INPP4B: variants seen among roughly 807,000 people sequenced by gnomAD.
INPP4B encodes the protein inositol polyphosphate 4-phosphatase type II.
INPP4B carries 55 observed loss-of-function variants against 122.5 expected under a neutral mutation model. That is an observed-to-expected ratio of 0.45 (90% CI 0.36 to 0.56). INPP4B has a LOEUF of 0.56. INPP4B is among the 20% of genes least tolerant of loss of function. The pLI is 0.00. For synonymous variants in INPP4B, 403 were observed against 388.7 expected, an observed-to-expected ratio of 1.04 and a Z score of -0.43; for missense variants, 1,000 against 1,097.7, an observed-to-expected ratio of 0.91 and a Z score of 1.26.
chr4:142,163,732 G>A (rs76422943), intron 16 of INPP4B, among the ~76,000 whole-genome samples: 20 of 151,880 alleles, frequency 1.3e-4, no homozygotes, highest in East Asian at 7.8e-4. Context: ...TCCCCTGGGC[G>A]TCTTGGAACA....
intron 2 of INPP4B, among the ~76,000 whole-genome samples, chr4:142,713,017 A>T (rs1387103208): frequency 6.6e-6 from 1 of 152,244 alleles, no homozygotes; most frequent in African/African-American, 2.4e-5. Flanking sequence ...AATGGGAATT[A>T]TGGGACAGAT....
At chr4:142,515,139 G>T in intron 2 of INPP4B, among the ~76,000 whole-genome samples, 1 of 152,114 alleles carries the variant, frequency 6.6e-6, no homozygotes, top group East Asian at 1.9e-4. Flanking sequence ...GATCTTAGTA[G>T]TAGCAAAAAC....
At chr4:142,407,962 T>G (rs967783721) in intron 5 of INPP4B, among the ~76,000 whole-genome samples, 1 of 152,236 alleles carries the variant, frequency 6.6e-6, no homozygotes, top group Non-Finnish European at 1.5e-5. Context: ...TCTGGTGTTT[T>G]ATTATTGTGT....
At chr4:142,563,248 T>TGTCGTACTTAGAGTCCACA (rs1359977602) in intron 2 of INPP4B, among the ~76,000 whole-genome samples, 1 of 152,240 alleles carries the variant, frequency 6.6e-6, no homozygotes, top group Non-Finnish European at 1.5e-5. Context: ...ACATGTCCAC[T>TGTCGTACTTAGAGTCCACA]GTCGTACTTA....
chr4:142,816,224 A>G (rs1390634766), intron 1 of INPP4B, among the ~76,000 whole-genome samples: 1 of 152,158 alleles, frequency 6.6e-6, no homozygotes, highest in Non-Finnish European at 1.5e-5. Context: ...CTTCATTTTT[A>G]GGGTTGTAAG....
At chr4:142,378,984 G>A (rs953881459) in intron 7 of INPP4B, among the ~76,000 whole-genome samples, 1 of 152,082 alleles carries the variant, frequency 6.6e-6, no homozygotes, top group Non-Finnish European at 1.5e-5. Context: ...TAGGGGGTGC[G>A]GGTTGTGGTG....
chr4:142,845,386 C>T (rs943601778), intron 1 of INPP4B, among the ~76,000 whole-genome samples: 17 of 152,194 alleles, frequency 1.1e-4, no homozygotes, highest in Admixed American at 2.6e-4. Context: ...CAGACATTCC[C>T]CGGCCCTGGG....
At chr4:142,505,419 G>C (rs756867551) in intron 2 of INPP4B, among the ~76,000 whole-genome samples, 9 of 152,012 alleles carry the variant, frequency 5.9e-5, no homozygotes, top group Non-Finnish European at 1.3e-4. Flanking sequence ...AAGGGAGTGG[G>C]CCCACGGGCT....
chr4:142,031,933 C>A (rs184110469), intron 25 of INPP4B, among the ~76,000 whole-genome samples: 63 of 151,834 alleles, frequency 4.1e-4, no homozygotes, highest in African/African-American at 1.5e-3. Flanking sequence ...TTGAGTTGGA[C>A]GAGCAGGAAT....
intron 25 of INPP4B, among the ~76,000 whole-genome samples, chr4:142,052,600 A>G (rs1755266106): frequency 6.6e-6 from 1 of 152,042 alleles, no homozygotes; most frequent in African/African-American, 2.4e-5. Flanking sequence ...AACAAGGGTA[A>G]GAACTTTGTT....
At chr4:142,500,334 T>G (rs1375792594) in intron 2 of INPP4B, among the ~76,000 whole-genome samples, 1 of 152,172 alleles carries the variant, frequency 6.6e-6, no homozygotes, top group Non-Finnish European at 1.5e-5. Flanking sequence ...GCCAGGACAT[T>G]ACAAGAGGCT....
chr4:142,247,172 G>A (rs993549671), intron 11 of INPP4B, among the ~76,000 whole-genome samples: 5 of 152,136 alleles, frequency 3.3e-5, no homozygotes, highest in African/African-American at 1.2e-4. Context: ...TAAGCTTTTT[G>A]ATATGCTGCT....
At chr4:142,422,049 C>T (rs186898607) in intron 5 of INPP4B, among the ~76,000 whole-genome samples, 20 of 152,110 alleles carry the variant, frequency 1.3e-4, no homozygotes, top group Admixed American at 5.9e-4. Context: ...ATCTTTAGAA[C>T]GTAGACCGTT....
At chr4:142,409,209 G>T (rs915967938) in intron 5 of INPP4B, among the ~76,000 whole-genome samples, 1 of 152,010 alleles carries the variant, frequency 6.6e-6, no homozygotes, top group Non-Finnish European at 1.5e-5. Flanking sequence ...ATAAATGGAG[G>T]GGGCCACATG....
intron 12 of INPP4B, among the ~76,000 whole-genome samples, chr4:142,232,215 T>A (rs1403829956): frequency 6.6e-6 from 1 of 152,224 alleles, no homozygotes; most frequent in African/African-American, 2.4e-5. Context: ...ATATATTTAT[T>A]GTGTTTTACT....
chr4:142,825,948 T>C (rs1297917026), intron 1 of INPP4B, among the ~76,000 whole-genome samples: 1 of 152,150 alleles, frequency 6.6e-6, no homozygotes, highest in Non-Finnish European at 1.5e-5. Flanking sequence ...TTGTCTTATC[T>C]CGTGTTTTTA....
intron 2 of INPP4B, among the ~76,000 whole-genome samples, chr4:142,696,931 C>T (rs191417738): frequency 7.0e-4 from 106 of 152,282 alleles, no homozygotes; most frequent in African/African-American, 2.3e-3. Flanking sequence ...CCACAGTGTG[C>T]AGCCCCGCAC....
chr4:142,421,531 T>A (rs943605630), intron 5 of INPP4B, among the ~76,000 whole-genome samples: 5 of 152,100 alleles, frequency 3.3e-5, no homozygotes. Flanking sequence ...TTAAAATGAG[T>A]CTCTGATATA....
At chr4:142,694,090 T>A (rs1760644013) in intron 2 of INPP4B, among the ~76,000 whole-genome samples, 1 of 152,108 alleles carries the variant, frequency 6.6e-6, no homozygotes, top group Admixed American at 6.6e-5. Flanking sequence ...AAAAGAAAGC[T>A]GACTGGGCAT....
Sources: gnomAD v4.1 joint callset for allele counts (sites outside exome capture counted in the v4.1 genomes callset) on GRCh38, gnomAD v4.1.1 for gene constraint, MANE v1.5 for transcripts, NCBI Gene and HGNC (gene_info 2026-07-23, HGNC 2026-07-21) for gene names.